Variants in LRTM3 observed in about 807,000 individuals in gnomAD.
LRTM3 encodes the protein leucine rich repeat transmembrane protein 3.
chr13:102,758,795 T>C, the LRTM3 span: 1 of 1,549,998 alleles, frequency 6.5e-7, no homozygotes, highest in Non-Finnish European at 8.7e-7. Context: ...AAATAATTCC[T>C]AGTAAAATTA....
At chr13:102,732,926 G>A in the LRTM3 span, 1 of 1,551,434 alleles carries the variant, frequency 6.4e-7, no homozygotes, top group Non-Finnish European at 8.7e-7. Flanking sequence ...AAAAGTCCAG[G>A]GAGGGAATAG....
the LRTM3 span, chr13:102,740,782 A>T: frequency 6.5e-7 from 1 of 1,549,272 alleles, no homozygotes; most frequent in Non-Finnish European, 8.7e-7. Context: ...AAAGCAAGCC[A>T]ATTCCTTTTG....
chr13:102,748,514 T>G, the LRTM3 span: 1 of 1,550,902 alleles, frequency 6.4e-7, no homozygotes. Flanking sequence ...ATTTGAAAGT[T>G]GAAGATGGGA....
chr13:102,745,337 G>A, the LRTM3 span: 1 of 1,550,422 alleles, frequency 6.4e-7, no homozygotes, highest in South Asian at 1.2e-5. Flanking sequence ...CTTTACTTGA[G>A]TAGAACTGAG....
the LRTM3 span, chr13:102,730,814 C>T: frequency 1.6e-5 from 25 of 1,551,444 alleles, no homozygotes; most frequent in Non-Finnish European, 2.2e-5. Flanking sequence ...AACAGGAAGC[C>T]CCAGGAGAAA....
chr13:102,735,171 T>G, the LRTM3 span: 1 of 1,551,350 alleles, frequency 6.4e-7, no homozygotes, highest in Non-Finnish European at 8.7e-7. Context: ...TGAAGATCAC[T>G]GAAACTGTGC....
the LRTM3 span, chr13:102,749,640 T>C: frequency 6.4e-7 from 1 of 1,551,320 alleles, no homozygotes; most frequent in Non-Finnish European, 8.7e-7. Flanking sequence ...TGTGTGCTGC[T>C]AGAAAATGGC....
chr13:102,742,390 G>C, the LRTM3 span: 8 of 1,546,482 alleles, frequency 5.2e-6, no homozygotes, highest in Non-Finnish European at 7.0e-6. Flanking sequence ...GATAACTCCA[G>C]ATAGTTCCTG....
At chr13:102,729,482 G>C in the LRTM3 span, 2 of 1,459,064 alleles carry the variant, frequency 1.4e-6, no homozygotes, top group African/African-American at 1.4e-5. Flanking sequence ...AAGGGACCCC[G>C]AGAGCGACCC....
chr13:102,752,370 T>A, the LRTM3 span, among the ~76,000 whole-genome samples: 6 of 152,184 alleles, frequency 3.9e-5, no homozygotes, highest in Non-Finnish European at 7.3e-5. Context: ...CCTGTCTTAT[T>A]CTTCCTGCCC....
the LRTM3 span, chr13:102,743,027 G>A: frequency 6.5e-7 from 1 of 1,546,378 alleles, no homozygotes; most frequent in Non-Finnish European, 8.7e-7. Flanking sequence ...CTGACTTTTT[G>A]AGAAAAAAGT....
At chr13:102,736,114 A>AT in the LRTM3 span, 1 of 1,541,240 alleles carries the variant, frequency 6.5e-7, no homozygotes, top group East Asian at 2.5e-5. Flanking sequence ...TAATACCTTC[A>AT]TTTGAATTTG....
the LRTM3 span, among the ~76,000 whole-genome samples, chr13:102,754,565 C>A: frequency 6.6e-6 from 1 of 152,104 alleles, no homozygotes; most frequent in Non-Finnish European, 1.5e-5. Flanking sequence ...AGAAAAAAAT[C>A]CCTCATACAC....
At chr13:102,742,295 G>A in the LRTM3 span, 1 of 1,549,924 alleles carries the variant, frequency 6.5e-7, no homozygotes, top group Non-Finnish European at 8.7e-7. Context: ...TATCTGTTTG[G>A]TATGCATAGT....
the LRTM3 span, chr13:102,747,179 T>G: frequency 1.6e-5 from 25 of 1,550,680 alleles, no homozygotes; most frequent in African/African-American, 3.4e-4. Flanking sequence ...CCTTTCAATT[T>G]GGGATTCCTC....
the LRTM3 span, chr13:102,734,507 T>C: frequency 6.4e-7 from 1 of 1,551,370 alleles, no homozygotes. Flanking sequence ...TTCTGTTCTG[T>C]GGAGCATACA....
At chr13:102,735,745 T>C in the LRTM3 span, 1 of 1,547,862 alleles carries the variant, frequency 6.5e-7, no homozygotes, top group Non-Finnish European at 8.7e-7. Flanking sequence ...CTTTTTTGCC[T>C]GAATCTGATG....
the LRTM3 span, chr13:102,733,885 G>T: frequency 6.4e-7 from 1 of 1,551,296 alleles, no homozygotes; most frequent in African/African-American, 1.4e-5. Flanking sequence ...TTTTATCAAC[G>T]CCTTCAACTG....
chr13:102,733,251 C>T, the LRTM3 span: 231 of 1,551,286 alleles, frequency 1.5e-4, 1 homozygote, highest in African/African-American at 2.2e-3. Flanking sequence ...CAGTTGGTGA[C>T]GATACTTATT....
Sources: allele counts gnomAD v4.1 joint callset (sites outside exome capture counted in the v4.1 genomes callset), GRCh38; gene constraint gnomAD v4.1.1; transcripts MANE v1.5; gene names NCBI Gene and HGNC (gene_info 2026-07-23, HGNC 2026-07-21).